The following SAMD3 variants were observed in gnomAD, a reference collection of about 807,000 sequenced individuals.
The protein encoded by SAMD3 is sterile alpha motif domain containing 3.
A neutral mutation model predicts 58.5 loss-of-function variants in SAMD3; 63 were observed. That is an observed-to-expected ratio of 1.08 (90% CI 0.88 to 1.33). The LOEUF (loss-of-function observed/expected upper bound fraction) is 1.33. SAMD3 is among the 40% of genes most tolerant of loss of function. SAMD3 has a pLI of 0.00. For missense variants in SAMD3, 604 were observed against 608.4 expected, an observed-to-expected ratio of 0.99 and a Z score of 0.08; for synonymous variants, 220 against 210.3, an observed-to-expected ratio of 1.05 and a Z score of -0.40.
Position 130,239,001 on chromosome 6 carries a change from C to T in SAMD3, c.-187-16188G>A, listed in dbSNP as rs143939837. Among the ~76,000 whole-genome samples the T allele has an allele frequency of 3.4e-4, 52 of 152,256 alleles. No homozygotes were observed. The East Asian group carries it at 9.8e-3, about 29-fold the overall frequency. ...CTCAAACTCCTGATCTCAAGTCATC[C>T]GCCTGCTTCGGCCTCCCAAAGTGCT... On this transcript the variant is annotated intron_variant, in intron 2 of 13. Coordinates refer to the SAMD3 transcript ENST00000368134.
chr6:130,337,905 A>T (rs997849414), intron 1 of SAMD3, among the ~76,000 whole-genome samples: 1 of 152,184 alleles, frequency 6.6e-6, no homozygotes, highest in Non-Finnish European at 1.5e-5. Flanking sequence ...AGAAAAGAAA[A>T]CCTCATTTTC....
chr6:130,301,912 T>C (rs1775761020), intron 2 of SAMD3, among the ~76,000 whole-genome samples: 1 of 152,136 alleles, frequency 6.6e-6, no homozygotes, highest in Admixed American at 6.6e-5. Flanking sequence ...AGAATGAAAC[T>C]GGACCCCCAC....
rs3029967 is a variant in SAMD3, at chr6:130,287,943, CA to C, written c.-188+25034del. Among the ~76,000 whole-genome samples, 543 of 107,018 alleles carry C rather than the reference CA, an allele frequency of 5.1e-3. 1 individual carries two copies. Among genetic ancestry groups the C allele is most frequent in the Middle Eastern group, 0.012 (2 of 172 alleles). 70.2% of individuals were successfully genotyped at this position (107,018 alleles called of 152,430 possible). ...CTGGTGACAGAGCATGACTCCGTCT[CA>C]AAAAAAAAAAAAAAAAGAGTTACAG... On this transcript the variant is annotated intron_variant, in intron 2 of 13. Coordinates refer to the SAMD3 transcript ENST00000368134.
chr6:130,184,576 G>A lies in SAMD3; in HGVS notation c.431C>T (p.Thr144Met), dbSNP rs140727542. 23 of 1,613,944 alleles carry A rather than the reference G, an allele frequency of 1.4e-5. No individual in the cohort carries two copies. Among genetic ancestry groups the A allele is most frequent in the Admixed American group, 1.2e-4 (7 of 60,008 alleles). ...ILARSKALQW[T>M]KSYVLPEFPY... Reference sequence around the variant, plus strand: ...AAACTCTGGTAAAACATAGGACTTCGTCCACTGTAATGCTTTGCTTCTTGC... The same window carrying A: ...AAACTCTGGTAAAACATAGGACTTCATCCACTGTAATGCTTTGCTTCTTGC... The change falls in exon 6 of 12, where the codon ACG (threonine) becomes ATG (methionine). Residue 144 changes from threonine (T) to methionine (M), a missense_variant. Transcript: ENST00000439090.
chr6:130,330,085 G>T (rs1776881650), intron 1 of SAMD3, among the ~76,000 whole-genome samples: 2 of 152,122 alleles, frequency 1.3e-5, no homozygotes, highest in South Asian at 2.1e-4. Context: ...AGATAAAAAA[G>T]AAATGAAAGA....
chr6:130,200,431 C>T (rs1421865603), intron 5 of SAMD3, among the ~76,000 whole-genome samples: 1 of 151,106 alleles, frequency 6.6e-6, no homozygotes, highest in Admixed American at 6.6e-5. Flanking sequence ...CAACTGTAGT[C>T]CCAGCTACTT....
chr6:130,196,858 C>T (rs1794171370), intron 5 of SAMD3, among the ~76,000 whole-genome samples: 1 of 152,214 alleles, frequency 6.6e-6, no homozygotes, highest in Non-Finnish European at 1.5e-5. Context: ...GAGAAGGCCA[C>T]CGCAGTCATT....
intron 5 of SAMD3, 100 bp from the exon 6 acceptor site, chr6:130,184,723 T>C: frequency 1.1e-6 from 1 of 945,936 alleles, no homozygotes; most frequent in Non-Finnish European, 1.5e-6. Context: ...ACAACTTTCC[T>C]GAGACCCAAA....
chr6:130,186,821 A>G (rs1283549740), intron 5 of SAMD3, among the ~76,000 whole-genome samples: 1 of 126,756 alleles, frequency 7.9e-6, no homozygotes, highest in Non-Finnish European at 1.5e-5. Context: ...CCCAGGCTGG[A>G]GTGCAGTGGT....
rs543555294 is a variant in SAMD3 at position 130,307,070 on chromosome 6, C to G, written c.-188+5908G>C. Reference sequence around the variant, plus strand: ...ATACATTTTTACTGTATTTTTTGTGCTTCTGGACACACTTTCATGTATCTA... The same window carrying G: ...ATACATTTTTACTGTATTTTTTGTGGTTCTGGACACACTTTCATGTATCTA... On this transcript the variant is annotated intron_variant, in intron 2 of 13. Coordinates refer to the SAMD3 transcript ENST00000368134. Among the ~76,000 whole-genome samples, 5 of 152,290 alleles carry G rather than the reference C, an allele frequency of 3.3e-5. No individual in the cohort carries two copies. In the East Asian group the frequency reaches 9.6e-4, roughly 29 times the overall value.
intron 2 of SAMD3, among the ~76,000 whole-genome samples, chr6:130,243,824 C>A (rs73603974): frequency 6.6e-6 from 1 of 152,162 alleles, no homozygotes; most frequent in African/African-American, 2.4e-5. Context: ...CAACCATATG[C>A]ACACACCACA....
At chr6:130,143,916 G>A (rs143132859), downstream of SAMD3, 1 of 152,702 alleles carries the variant, frequency 6.5e-6, no homozygotes, top group Non-Finnish European at 1.5e-5. Context: ...AGCAGTAGCA[G>A]ATGAACACAG....
intron 2 of SAMD3, among the ~76,000 whole-genome samples, chr6:130,280,002 T>G (rs1774926109): frequency 6.7e-6 from 1 of 149,292 alleles, no homozygotes; most frequent in Non-Finnish European, 1.5e-5. Flanking sequence ...TTGCAAATAA[T>G]AATTATCTTT....
At chr6:130,288,129 G>A (rs1378883922) in intron 2 of SAMD3, among the ~76,000 whole-genome samples, 1 of 152,200 alleles carries the variant, frequency 6.6e-6, no homozygotes. Flanking sequence ...GGATGTGTAT[G>A]AGTCAGAGTA....
At chr6:130,183,974 T>C (rs899463467) in intron 7 of SAMD3, 129 bp downstream of exon 7, 19 of 718,886 alleles carry the variant, frequency 2.6e-5, no homozygotes, top group Non-Finnish European at 4.2e-5. Flanking sequence ...CCTAGATACA[T>C]AGACAGAATG....
intron 5 of SAMD3, among the ~76,000 whole-genome samples, chr6:130,202,110 C>T (rs1794698964): frequency 6.6e-6 from 1 of 152,312 alleles, no homozygotes; most frequent in Middle Eastern, 3.4e-3. Context: ...TACTTTGGAC[C>T]TCTCTAAAGA....
Position 130,214,531 on chromosome 6 carries a change from GA to G in SAMD3, c.80-6del. 6.4e-7 allele frequency: 1 copy of G among 1,561,718 alleles called. No individual in the cohort carries two copies. The highest frequency in any genetic ancestry group is 8.6e-7 in the Non-Finnish European group (1 of 1,158,392). ...CGGCCCCACTTACTTCTTCCTCTGG[GA>G]AAAAGAAAAAAAATTAGTTTCTACA... On this transcript the variant is annotated splice_region_variant and splice_polypyrimidine_tract_variant and intron_variant, in intron 3 of 11. Transcript: ENST00000439090.
chr6:130,248,377 T>C (rs894445700), intron 2 of SAMD3, among the ~76,000 whole-genome samples: 8 of 152,210 alleles, frequency 5.3e-5, no homozygotes, highest in Non-Finnish European at 1.0e-4. Context: ...AGTGTTCCTC[T>C]GGTTCTGTTC....
intron 1 of SAMD3, among the ~76,000 whole-genome samples, chr6:130,221,003 A>C (rs770524819): frequency 2.6e-5 from 4 of 151,950 alleles, no homozygotes; most frequent in Admixed American, 1.3e-4. Context: ...ACGGGTGCCC[A>C]CCACCACGCC....
Sources: gnomAD v4.1 joint callset for allele counts (sites outside exome capture counted in the v4.1 genomes callset) on GRCh38, gnomAD v4.1.1 for gene constraint, MANE v1.5 for transcripts, NCBI Gene and HGNC (gene_info 2026-07-23, HGNC 2026-07-21) for gene names.